AGBL1: variants seen among roughly 807,000 people sequenced by gnomAD.
The protein encoded by AGBL1 is cytosolic carboxypeptidase 4.
AGBL1 carries 130 observed loss-of-function variants against 118.9 expected under a neutral mutation model. That is an observed-to-expected ratio of 1.09 (90% CI 0.95 to 1.26). The LOEUF (loss-of-function observed/expected upper bound fraction) is 1.26. Among genes scored for constraint, AGBL1 ranks in the 50% most tolerant of loss-of-function variants. The pLI is 0.00. For synonymous variants in AGBL1, 555 were observed against 478.9 expected (o/e 1.16, Z -2.08); for missense variants, 1,584 against 1,298.1 (o/e 1.22, Z -3.38).
intron 21 of AGBL1, among the ~76,000 whole-genome samples, chr15:86,579,162 G>A (rs2084139255): frequency 6.6e-6 from 1 of 152,134 alleles, no homozygotes; most frequent in African/African-American, 2.4e-5. Flanking sequence ...GTCTTATATT[G>A]ATGAAATTTT....
intron 3 of AGBL1, among the ~76,000 whole-genome samples, chr15:86,147,367 A>G (rs1442095334): frequency 6.6e-6 from 1 of 152,240 alleles, no homozygotes; most frequent in African/African-American, 2.4e-5. Flanking sequence ...AGGTGAGGGA[A>G]GCCCTGACAG....
chr15:86,894,552 T>G (rs2080095928), intron 22 of AGBL1, among the ~76,000 whole-genome samples: 1 of 152,158 alleles, frequency 6.6e-6, no homozygotes, highest in Non-Finnish European at 1.5e-5. Flanking sequence ...ACCGCTAGGC[T>G]AACTTAAGTG....
intron 18 of AGBL1, among the ~76,000 whole-genome samples, chr15:86,482,548 T>C (rs1024672947): frequency 6.6e-6 from 1 of 152,092 alleles, no homozygotes; most frequent in Non-Finnish European, 1.5e-5. Context: ...ATACCTATAA[T>C]TGAAACAAAC....
chr15:86,814,223 G>A (rs761340273), intron 22 of AGBL1, among the ~76,000 whole-genome samples: 14 of 152,298 alleles, frequency 9.2e-5, no homozygotes, highest in Non-Finnish European at 1.6e-4. Context: ...GAGACCTGTT[G>A]TGAATTGTGC....
At chr15:86,207,879 C>G (rs373809345) in intron 5 of AGBL1, among the ~76,000 whole-genome samples, 1 of 152,176 alleles carries the variant, frequency 6.6e-6, no homozygotes, top group Non-Finnish European at 1.5e-5. Flanking sequence ...GAGGACATCC[C>G]TGTCTTGTGC....
intron 17 of AGBL1, among the ~76,000 whole-genome samples, chr15:86,363,076 G>C (rs771778281): frequency 9.9e-5 from 15 of 152,132 alleles, no homozygotes; most frequent in Non-Finnish European, 1.6e-4. Context: ...TTGGTCTGCA[G>C]CTGTGGCCAG....
At chr15:86,994,969 G>A (rs1016075629) in intron 24 of AGBL1, among the ~76,000 whole-genome samples, 1 of 152,186 alleles carries the variant, frequency 6.6e-6, no homozygotes, top group African/African-American at 2.4e-5. Context: ...CAAGCATAGA[G>A]CTATGTTGGT....
chr15:87,017,279 A>G (rs1322657147), intron 24 of AGBL1, among the ~76,000 whole-genome samples: 6 of 152,138 alleles, frequency 3.9e-5, no homozygotes, highest in Non-Finnish European at 8.8e-5. Context: ...GCTACCAAAA[A>G]AAACCAGACT....
At chr15:86,401,483 G>A (rs1027251751) in intron 18 of AGBL1, among the ~76,000 whole-genome samples, 2 of 151,944 alleles carry the variant, frequency 1.3e-5, no homozygotes, top group Non-Finnish European at 2.9e-5. Flanking sequence ...TGTTGTTGTT[G>A]TTGCATTTGC....
intron 23 of AGBL1, among the ~76,000 whole-genome samples, chr15:86,925,126 G>T (rs1317203910): frequency 2.2e-5 from 1 of 44,562 alleles, no homozygotes. Context: ...AGAAGAAGAA[G>T]AGGAAGAGGA....
chr15:86,515,772 T>C (rs1383432816), intron 18 of AGBL1, among the ~76,000 whole-genome samples: 3 of 152,218 alleles, frequency 2.0e-5, no homozygotes, highest in Non-Finnish European at 2.9e-5. Flanking sequence ...AAACAGTTGT[T>C]GGTCTTGTGA....
At chr15:86,839,893 A>T (rs1372797617) in intron 22 of AGBL1, among the ~76,000 whole-genome samples, 1 of 152,146 alleles carries the variant, frequency 6.6e-6, no homozygotes, top group Non-Finnish European at 1.5e-5. Flanking sequence ...CATAACCACG[A>T]TGTTTATACA....
chr15:86,274,890 G>C (rs1200877062), intron 15 of AGBL1, among the ~76,000 whole-genome samples: 3 of 151,990 alleles, frequency 2.0e-5, no homozygotes, highest in African/African-American at 4.8e-5. Flanking sequence ...GTGGTCAGTT[G>C]ATCACCCTGC....
At chr15:86,569,630 T>C (rs1243619327) in intron 21 of AGBL1, among the ~76,000 whole-genome samples, 2 of 152,300 alleles carry the variant, frequency 1.3e-5, no homozygotes, top group South Asian at 4.1e-4. Context: ...CTTAATTATG[T>C]AGTAAAATAT....
chr15:86,079,964 G>A lies in AGBL1; in HGVS notation c.-9G>A. On this transcript the variant is annotated 5_prime_UTR_variant, in exon 1 of 23. Coordinates refer to ENST00000614907, the MANE Select transcript of AGBL1 (RefSeq NM_001386094.1). The stretch of plus-strand genomic sequence containing the variant: ...CGCAGGCAGCGGTTCCCTAGGACCC[G>A]AGAAAAGGATGGCCGAACAAGAAGC... 8.1e-7 allele frequency: 1 copy of A among 1,232,192 alleles called. No homozygotes were observed. The highest frequency in any genetic ancestry group is 4.1e-5 in the South Asian group (1 of 24,312). The allele number at this position is 1,232,192 out of a possible 1,614,324, so 76.3% of individuals were successfully genotyped here. A position where few individuals can be genotyped will look rare whatever the true frequency, so the allele number is the denominator to read the frequency against.
chr15:86,741,977 G>GT (rs11327636), intron 22 of AGBL1, among the ~76,000 whole-genome samples: 2,106 of 144,228 alleles, frequency 0.015, 39 homozygotes, highest in African/African-American at 0.042. Context: ...ATCCACTGGA[G>GT]TTTTTTTTTT....
At chr15:86,520,925 C>G (rs913817008) in intron 18 of AGBL1, among the ~76,000 whole-genome samples, 6 of 152,170 alleles carry the variant, frequency 3.9e-5, no homozygotes, top group Admixed American at 3.9e-4. Context: ...CATTGAAAAT[C>G]TGCTTCATAT....
chr15:86,244,546 T>C (rs1249583526), intron 6 of AGBL1, among the ~76,000 whole-genome samples: 4 of 151,690 alleles, frequency 2.6e-5, no homozygotes, highest in Admixed American at 6.6e-5. Context: ...GGTTTAGCTA[T>C]TTTAAATGTT....
intron 1 of AGBL1, among the ~76,000 whole-genome samples, chr15:86,141,264 A>C (rs971139375): frequency 1.3e-5 from 2 of 152,212 alleles, no homozygotes; most frequent in African/African-American, 4.8e-5. Flanking sequence ...CCACCCTGGG[A>C]TTCTCCTGAG....
Sources: gnomAD v4.1 joint callset for allele counts (sites outside exome capture counted in the v4.1 genomes callset) on GRCh38, gnomAD v4.1.1 for gene constraint, MANE v1.5 for transcripts, NCBI Gene and HGNC (gene_info 2026-07-23, HGNC 2026-07-21) for gene names.